The following GRAMD4 variants were observed in gnomAD, a reference collection of about 807,000 sequenced individuals.
GRAMD4 encodes GRAM domain-containing protein 4.
Under a neutral mutation model 83.9 loss-of-function variants are expected in GRAMD4, and 25 were observed. That is an observed-to-expected ratio of 0.30 (90% CI 0.22 to 0.42). The LOEUF is 0.42. Ranked by LOEUF, GRAMD4 falls within the 10% of genes least tolerant of loss-of-function variation. The pLI, the probability that GRAMD4 is intolerant of heterozygous loss-of-function variation, is 1.00. For missense variants in GRAMD4, 593 were observed against 788.7 expected, an observed-to-expected ratio of 0.75 and a Z score of 2.97; for synonymous variants, 336 against 320.9, an observed-to-expected ratio of 1.05 and a Z score of -0.50.
At chr22:46,588,460 T>C (rs1404531135) in intron 1 of GRAMD4, among the ~76,000 whole-genome samples, 2 of 152,134 alleles carry the variant, frequency 1.3e-5, no homozygotes, top group African/African-American at 4.8e-5. Flanking sequence ...CGAGTGCTGT[T>C]CATATTGGTA....
Position 46,678,793 on chromosome 22 carries a change from G to A in GRAMD4, c.*1542G>A, listed in dbSNP as rs562853512. 1.0e-5 allele frequency: 10 copies of A among 986,050 alleles called. No homozygotes were observed. The highest frequency in any genetic ancestry group is 9.4e-5 in the South Asian group (2 of 21,300). The allele number at this position is 986,050 out of a possible 1,614,324, so 61.1% of individuals were successfully genotyped here. On this transcript the variant is annotated 3_prime_UTR_variant, in exon 19 of 19. Coordinates refer to ENST00000406902, the MANE Select transcript of GRAMD4 (RefSeq NM_015124.5). ...CATGGGCTGGTTTCACCCCCTTCACGAGGGGCCGCAGAGTCACACGCTGGT... is the reference window on the plus strand; with the variant it reads ...CATGGGCTGGTTTCACCCCCTTCACAAGGGGCCGCAGAGTCACACGCTGGT...
intron 16 of GRAMD4, 64 bp downstream of exon 16, chr22:46,674,814 C>G (rs993081514): frequency 1.7e-6 from 2 of 1,187,840 alleles, no homozygotes; most frequent in Admixed American, 3.4e-5. Flanking sequence ...TGCCTAGGCC[C>G]TGGGATGGCG....
chr22:46,663,223 T>C, intron 6 of GRAMD4, 51 bp downstream of exon 6: 1 of 1,565,646 alleles, frequency 6.4e-7, no homozygotes, highest in Non-Finnish European at 8.7e-7. Flanking sequence ...CCCCGGTCCC[T>C]GGGCTGAGGC....
At chr22:46,639,292 G>GCCTGTGTACAGCGGTGGTTAAC (rs2081938628) in intron 3 of GRAMD4, among the ~76,000 whole-genome samples, 1 of 150,754 alleles carries the variant, frequency 6.6e-6, no homozygotes, top group African/African-American at 2.5e-5. Flanking sequence ...GTGCCTGTGT[G>GCCTGTGTACAGCGGTGGTTAAC]CCTGTGTGCA....
chr22:46,590,252 G>C (rs1450453057), intron 1 of GRAMD4, among the ~76,000 whole-genome samples: 1 of 152,190 alleles, frequency 6.6e-6, no homozygotes, highest in Non-Finnish European at 1.5e-5. Flanking sequence ...GACAGCTCTG[G>C]GGCCACATGG....
intron 1 of GRAMD4, among the ~76,000 whole-genome samples, chr22:46,593,942 C>G (rs1002652961): frequency 6.6e-6 from 1 of 151,858 alleles, no homozygotes; most frequent in Non-Finnish European, 1.5e-5. Context: ...GCAGGATAGT[C>G]TTGAACTCCT....
chr22:46,680,169 C>G (rs1276020175), downstream of GRAMD4, among the ~76,000 whole-genome samples: 1 of 152,182 alleles, frequency 6.6e-6, no homozygotes, highest in Non-Finnish European at 1.5e-5. Context: ...GCTTTGGCCC[C>G]TCTCCACTTT....
chr22:46,660,217 G>T (rs574725700), intron 4 of GRAMD4, among the ~76,000 whole-genome samples: 45 of 152,318 alleles, frequency 3.0e-4, no homozygotes, highest in Non-Finnish European at 4.6e-4. Flanking sequence ...GAATGGGTGG[G>T]GAATGGGCAG....
At chr22:46,616,941 CGTGT>C (rs1160351178), upstream of GRAMD4, among the ~76,000 whole-genome samples, 1 of 29,418 alleles carries the variant, frequency 3.4e-5, no homozygotes, top group African/African-American at 1.4e-4. Context: ...TTCCCCTGTG[CGTGT>C]AGGTTCCCCC....
intron 1 of GRAMD4, among the ~76,000 whole-genome samples, chr22:46,602,438 G>A (rs2081320476): frequency 6.6e-6 from 1 of 152,118 alleles, no homozygotes; most frequent in African/African-American, 2.4e-5. Context: ...AACGCTTTGC[G>A]AGACCATGTT....
At chr22:46,658,337 G>T (rs1021707591) in intron 4 of GRAMD4, 30 bp downstream of exon 4, 7 of 1,558,818 alleles carry the variant, frequency 4.5e-6, no homozygotes, top group Middle Eastern at 4.6e-4. Context: ...GCCCTGGCCT[G>T]TGTGCGGCTG....
At chr22:46,627,065 G>C (rs1045671494) in intron 2 of GRAMD4, 104 bp downstream of exon 2, 1 of 774,008 alleles carries the variant, frequency 1.3e-6, no homozygotes, top group Non-Finnish European at 2.2e-6. Context: ...TGCCCATGCT[G>C]GTCAGAGATG....
At chr22:46,595,213 G>A (rs922317841) in intron 1 of GRAMD4, among the ~76,000 whole-genome samples, 1 of 152,146 alleles carries the variant, frequency 6.6e-6, no homozygotes, top group Non-Finnish European at 1.5e-5. Context: ...GGTGGGCGTG[G>A]GTACTAACTA....
Position 46,665,702 on chromosome 22 carries a change from G to A in GRAMD4, c.805G>A (p.Ala269Thr), listed in dbSNP as rs747893794. Residue 269 changes from alanine (A) to threonine (T), a missense_variant, in exon 9 of 19, where the codon GCC becomes ACC. Ala to Thr is a moderately conservative substitution (Grantham distance 58). Around this residue, in one of 4 missense-constraint regions of GRAMD4, gnomAD observed 36 missense variants for 85.8 expected, o/e 0.42. Transcript: ENST00000406902. ...GAGGTTATCCCTCAATTACCTCATC[G>A]CCAGGTAGGTGAGCCGGTTTGTTGC... Reference protein sequence around the residue: ...ILRLSLNYLIARGWRIQWSIV... With the variant: ...ILRLSLNYLITRGWRIQWSIV... The A allele has an allele frequency of 1.9e-6, 3 of 1,547,688 alleles. No homozygotes were observed. The highest frequency in any genetic ancestry group is 1.7e-4 in the Middle Eastern group (1 of 5,904).
chr22:46,606,942 G>A (rs2081371373), intron 1 of GRAMD4, among the ~76,000 whole-genome samples: 1 of 152,206 alleles, frequency 6.6e-6, no homozygotes, highest in Admixed American at 6.5e-5. Flanking sequence ...AGGAGCTGTC[G>A]CACTGTTTTC....
intron 1 of GRAMD4, among the ~76,000 whole-genome samples, chr22:46,609,023 G>A (rs1380660842): frequency 6.6e-6 from 1 of 152,140 alleles, no homozygotes; most frequent in Non-Finnish European, 1.5e-5. Context: ...ACCTACCCCA[G>A]AGGCTGAATT....
At chr22:46,613,424 C>T (rs997319581) in intron 1 of GRAMD4, among the ~76,000 whole-genome samples, 2 of 152,254 alleles carry the variant, frequency 1.3e-5, no homozygotes, top group African/African-American at 2.4e-5. Flanking sequence ...CAGCCCCATT[C>T]GGTGCTGGAG....
rs1272771084 is a variant in GRAMD4 at position 46,626,828 on chromosome 22, T to A, written c.29T>A (p.Phe10Tyr). Reference sequence around the variant, plus strand: ...CTAAGGAGGTTGGACAAAATCAGGTTCAGAGGTCACAAGAGAGATGACTTC... The same window carrying A: ...CTAAGGAGGTTGGACAAAATCAGGTACAGAGGTCACAAGAGAGATGACTTC... MLRRLDKIR[F>Y]RGHKRDDFLD... The change falls in exon 2 of 19, where the codon TTC becomes TAC. Residue 10 changes from phenylalanine to tyrosine, a missense_variant. Physicochemically the swap from Phe to Tyr is conservative, Grantham distance 22. Around this residue, in one of 4 missense-constraint regions of GRAMD4, gnomAD observed 312 missense variants for 350.7 expected, o/e 0.89. Coordinates refer to ENST00000406902, the MANE Select transcript of GRAMD4 (RefSeq NM_015124.5). 1 of 1,613,838 alleles carries A rather than the reference T, an allele frequency of 6.2e-7. No individual in the cohort carries two copies. The highest frequency in any genetic ancestry group is 1.7e-5 in the Admixed American group (1 of 60,012).
chr22:46,666,768 C>G (rs2082415309), intron 9 of GRAMD4, 57 bp from the exon 10 acceptor site: 1 of 1,454,882 alleles, frequency 6.9e-7, no homozygotes, highest in Non-Finnish European at 9.7e-7. Context: ...CGATTCGATG[C>G]CTTCCCCTGA....
Sources: allele counts gnomAD v4.1 joint callset (sites outside exome capture counted in the v4.1 genomes callset), GRCh38; gene constraint gnomAD v4.1.1; regional missense constraint gnomAD v4.1.1; transcripts MANE v1.5; gene names NCBI Gene and HGNC (gene_info 2026-07-23, HGNC 2026-07-21).